PEX5L: variants seen among roughly 807,000 people sequenced by gnomAD.
PEX5L encodes the protein peroxisomal biogenesis factor 5 like, also known as PEX5-related protein.
In PEX5L, 30 loss-of-function variants were observed where a neutral mutation model predicts 84.0. That is an observed-to-expected ratio of 0.36 (90% CI 0.27 to 0.48). PEX5L has a LOEUF of 0.48. Ranked by LOEUF, PEX5L falls within the 20% of genes least tolerant of loss-of-function variation. The probability of loss-of-function intolerance (pLI) is 0.99; values close to 1 mark genes in which losing one functional copy is unlikely to be tolerated. For missense variants in PEX5L, 533 were observed against 754.6 expected (o/e 0.71, Z 3.44); for synonymous variants, 270 against 283.1 (o/e 0.95, Z 0.46).
At chr3:179,960,063 T>C (rs1323090245) in intron 2 of PEX5L, among the ~76,000 whole-genome samples, 1 of 152,154 alleles carries the variant, frequency 6.6e-6, no homozygotes, top group East Asian at 1.9e-4. Context: ...TTCTCATTTC[T>C]CCCTTATATT....
chr3:179,905,400 G>A (rs894521279), intron 2 of PEX5L, among the ~76,000 whole-genome samples: 2 of 152,008 alleles, frequency 1.3e-5, no homozygotes, highest in Admixed American at 6.5e-5. Context: ...AGTCTCCCGA[G>A]TAGCTGGAAC....
chr3:179,827,511 C>T (rs184596586), intron 8 of PEX5L, among the ~76,000 whole-genome samples: 45 of 152,308 alleles, frequency 3.0e-4, no homozygotes, highest in Admixed American at 1.9e-3. Context: ...CAAAGATGAA[C>T]CATCCTCTCT....
intron 1 of PEX5L, chr3:179,973,267 G>A (rs201629758): frequency 1.3e-5 from 17 of 1,288,458 alleles, no homozygotes; most frequent in Non-Finnish European, 1.7e-5. Context: ...AATTCTTTAT[G>A]CCACTGGCAG....
chr3:179,918,615 T>C (rs967826174), intron 2 of PEX5L, among the ~76,000 whole-genome samples: 7 of 152,192 alleles, frequency 4.6e-5, no homozygotes, highest in African/African-American at 7.2e-5. Flanking sequence ...CAAGGTTGCC[T>C]TTCTGAGCTT....
intron 8 of PEX5L, among the ~76,000 whole-genome samples, chr3:179,822,413 G>A (rs1728851182): frequency 6.6e-6 from 1 of 152,210 alleles, no homozygotes; most frequent in South Asian, 2.1e-4. Context: ...CTGAGGTAGA[G>A]CTGCTGGGCT....
chr3:179,975,867 A>C (rs1320379517), intron 1 of PEX5L, among the ~76,000 whole-genome samples: 1 of 152,116 alleles, frequency 6.6e-6, no homozygotes, highest in Non-Finnish European at 1.5e-5. Flanking sequence ...CAATGAGGAG[A>C]AGGGTTGAAA....
At chr3:179,879,437 A>G (rs1451999348) in intron 5 of PEX5L, among the ~76,000 whole-genome samples, 1 of 152,212 alleles carries the variant, frequency 6.6e-6, no homozygotes, top group Non-Finnish European at 1.5e-5. Context: ...TAATGAGATA[A>G]TATATGTAAG....
chr3:179,947,137 A>C (rs12489992), intron 2 of PEX5L, among the ~76,000 whole-genome samples: 29,296 of 152,124 alleles, frequency 0.19, 3,333 homozygotes, highest in Non-Finnish European at 0.26. Context: ...TCATCTGAGA[A>C]ATTGGTAGTG....
intron 9 of PEX5L, 63 bp from the exon 10 acceptor site, chr3:179,816,067 T>A: frequency 1.3e-6 from 2 of 1,520,058 alleles, no homozygotes; most frequent in South Asian, 2.3e-5. Context: ...TCACATTCAA[T>A]AAGTTCTCAT....
At chr3:180,017,329 G>T (rs1790031480) in intron 1 of PEX5L, among the ~76,000 whole-genome samples, 2 of 152,074 alleles carry the variant, frequency 1.3e-5, no homozygotes, top group Admixed American at 6.5e-5. Context: ...AAATAACACT[G>T]GAAAAAAGAA....
intron 8 of PEX5L, among the ~76,000 whole-genome samples, chr3:179,845,069 G>T (rs1219062943): frequency 1.3e-5 from 2 of 152,118 alleles, no homozygotes; most frequent in Non-Finnish European, 2.9e-5. Flanking sequence ...AGCCAGATCA[G>T]ATATCTAATC....
chr3:180,035,384 G>A (rs1225001178), intron 1 of PEX5L, among the ~76,000 whole-genome samples: 1 of 151,934 alleles, frequency 6.6e-6, no homozygotes, highest in Non-Finnish European at 1.5e-5. Context: ...ACTACTTTTT[G>A]TCTATCAAAT....
At chr3:179,943,905 G>T (rs1171282259) in intron 2 of PEX5L, among the ~76,000 whole-genome samples, 1 of 152,020 alleles carries the variant, frequency 6.6e-6, no homozygotes, top group African/African-American at 2.4e-5. Context: ...ACCAGATAAG[G>T]CTTCCTGGTA....
intron 7 of PEX5L, among the ~76,000 whole-genome samples, chr3:179,864,941 T>C (rs1747587438): frequency 6.6e-6 from 1 of 152,144 alleles, no homozygotes; most frequent in African/African-American, 2.4e-5. Context: ...GTCCTTTTCT[T>C]AGCAGGCACT....
At chr3:180,010,160 T>G (rs1789304547) in intron 1 of PEX5L, among the ~76,000 whole-genome samples, 1 of 151,822 alleles carries the variant, frequency 6.6e-6, no homozygotes, top group Non-Finnish European at 1.5e-5. Flanking sequence ...TTAGCCAGGA[T>G]GGTCTCAATC....
At chr3:179,992,724 G>A (rs1343108653) in intron 1 of PEX5L, among the ~76,000 whole-genome samples, 1 of 152,150 alleles carries the variant, frequency 6.6e-6, no homozygotes, top group Non-Finnish European at 1.5e-5. Flanking sequence ...ATTAAATTAT[G>A]TGGAGCAGCG....
chr3:179,911,592 T>C (rs1317529514), intron 2 of PEX5L, among the ~76,000 whole-genome samples: 1 of 152,202 alleles, frequency 6.6e-6, no homozygotes, highest in Non-Finnish European at 1.5e-5. Context: ...TTATTTTCCA[T>C]GTCTATTTGG....
intron 1 of PEX5L, among the ~76,000 whole-genome samples, chr3:179,985,975 A>G (rs879556788): frequency 3.3e-5 from 5 of 152,092 alleles, no homozygotes; most frequent in Admixed American, 6.5e-5. Flanking sequence ...TTCAGGGGCT[A>G]TACTGGTAAG....
At chr3:180,010,686 T>A (rs1367087962) in intron 1 of PEX5L, among the ~76,000 whole-genome samples, 2 of 151,856 alleles carry the variant, frequency 1.3e-5, no homozygotes, top group African/African-American at 4.8e-5. Context: ...CTTCAGTAAC[T>A]TCCTTCTCAT....
Sources: gnomAD v4.1 joint callset for allele counts (sites outside exome capture counted in the v4.1 genomes callset) on GRCh38, gnomAD v4.1.1 for gene constraint, MANE v1.5 for transcripts, NCBI Gene and HGNC (gene_info 2026-07-23, HGNC 2026-07-21) for gene names.